The following ADI1 variants were observed in gnomAD, a reference collection of about 807,000 sequenced individuals.
The protein encoded by ADI1 is acireductone dioxygenase.
ADI1 carries 21 observed loss-of-function variants against 18.7 expected under a neutral mutation model. That is an observed-to-expected ratio of 1.13 (90% confidence interval 0.80 to 1.62). The LOEUF (loss-of-function observed/expected upper bound fraction) is 1.62. ADI1 is among the 40% of genes most tolerant of loss of function. The pLI, the probability that ADI1 is intolerant of heterozygous loss-of-function variation, is 0.00. For synonymous variants in ADI1, 90 were observed against 100.1 expected (o/e 0.90, Z 0.60); for missense variants, 245 against 254.9 (o/e 0.96, Z 0.26).
chr2:3,501,026 C>CAG, intron 2 of ADI1, 33 bp from the exon 3 acceptor site: 1 of 1,540,382 alleles, frequency 6.5e-7, no homozygotes, highest in African/African-American at 1.4e-5. Flanking sequence ...GTGAGTCTAC[C>CAG]AGAGACCTGT....
intron 2 of ADI1, among the ~76,000 whole-genome samples, chr2:3,513,414 G>C (rs1667330964): frequency 6.6e-6 from 1 of 152,196 alleles, no homozygotes; most frequent in South Asian, 2.1e-4. Context: ...TTGAAAGTGG[G>C]ACCTGGTGGG....
intron 1 of ADI1, chr2:3,516,231 C>T (rs1289615420): frequency 4.2e-6 from 1 of 237,880 alleles, no homozygotes; most frequent in Admixed American, 6.5e-5. Flanking sequence ...CCTATAATCC[C>T]AGAACTTTGG....
At chr2:3,500,696 G>C (rs1188526192) in intron 3 of ADI1, 118 bp downstream of exon 3, 2 of 1,347,644 alleles carry the variant, frequency 1.5e-6, no homozygotes, top group Non-Finnish European at 1.0e-6. Context: ...AGGTCGAGGA[G>C]TCCCGAGCCC....
rs566764949 is a variant in ADI1 at position 3,519,109 on chromosome 2, C to A, written c.120+259G>T. Among the ~76,000 whole-genome samples the A allele has an allele frequency of 1.9e-3, 293 of 152,028 alleles. No individual in the cohort carries two copies. The Middle Eastern group carries it at 0.027, about 14-fold the overall frequency. On this transcript the variant is annotated intron_variant, in intron 1 of 3. Transcript: ENST00000327435. ...ACAGGCGCTGGGGGCTGACCGCCGA[C>A]CCCTCAACGCCGCTGCTGAGCATGC... is the stretch of plus-strand genomic sequence containing the variant.
At chr2:3,519,153 G>A (rs1477544999) in intron 1 of ADI1, 2 of 560,948 alleles carry the variant, frequency 3.6e-6, no homozygotes, top group Non-Finnish European at 5.4e-6. Flanking sequence ...CCCAGGCGCC[G>A]CGCAGGAGGC....
At chr2:3,499,480 G>GGACA (rs1278334048) in intron 3 of ADI1, among the ~76,000 whole-genome samples, 10 of 152,152 alleles carry the variant, frequency 6.6e-5, no homozygotes, top group African/African-American at 2.2e-4. Flanking sequence ...GGGCAGGAGA[G>GGACA]GACAATTCAG....
intron 2 of ADI1, among the ~76,000 whole-genome samples, chr2:3,508,356 A>G (rs1164211551): frequency 6.7e-6 from 1 of 149,616 alleles, no homozygotes; most frequent in Non-Finnish European, 1.5e-5. Context: ...AAAAAAAAAA[A>G]AAAACAATAA....
chr2:3,509,720 ACCCCCG>A (rs1667253729), intron 2 of ADI1, among the ~76,000 whole-genome samples: 1 of 151,842 alleles, frequency 6.6e-6, no homozygotes. Flanking sequence ...ACAGCACTAA[ACCCCCG>A]TACTAAGGAA....
At chr2:3,502,187 G>T (rs1020460427) in intron 2 of ADI1, among the ~76,000 whole-genome samples, 12 of 151,912 alleles carry the variant, frequency 7.9e-5, no homozygotes, top group Middle Eastern at 3.4e-3. Flanking sequence ...TACCATACCT[G>T]GCTAATTTTT....
At chr2:3,519,203 C>T in intron 1 of ADI1, 165 bp downstream of exon 1, 7 of 1,087,000 alleles carry the variant, frequency 6.4e-6, no homozygotes, top group Non-Finnish European at 8.4e-6. Flanking sequence ...GCGCAGCCCA[C>T]CCCAGGCACC....
intron 2 of ADI1, among the ~76,000 whole-genome samples, chr2:3,506,273 A>G (rs1049652281): frequency 2.6e-5 from 4 of 152,266 alleles, no homozygotes; most frequent in Non-Finnish European, 5.9e-5. Flanking sequence ...TTGCTCGCAG[A>G]TGGTATCACT....
rs752745822 is a variant in ADI1, at chr2:3,498,941, T to C, written c.*22A>G. ...ACATTGGGGACCTTTACGAGGCACGTGTTAGTTCCCAGGCAGCACTGCTAG... is the reference window on the plus strand; with the variant it reads ...ACATTGGGGACCTTTACGAGGCACGCGTTAGTTCCCAGGCAGCACTGCTAG... On this transcript the variant is annotated 3_prime_UTR_variant, in exon 4 of 4. Coordinates refer to ENST00000327435, the MANE Select transcript of ADI1 (RefSeq NM_018269.4). 1.9e-6 allele frequency: 3 copies of C among 1,596,150 alleles called. No homozygotes were observed. Among genetic ancestry groups the C allele is most frequent in the South Asian group, 2.2e-5 (2 of 90,488 alleles).
At chr2:3,518,465 A>C (rs1667455285) in intron 1 of ADI1, among the ~76,000 whole-genome samples, 2 of 152,172 alleles carry the variant, frequency 1.3e-5, no homozygotes, top group Admixed American at 1.3e-4. Context: ...CAAATAAACA[A>C]GGTGAGCGGA....
chr2:3,519,226 G>A (rs906504889), intron 1 of ADI1, 142 bp downstream of exon 1: 2 of 1,223,008 alleles, frequency 1.6e-6, no homozygotes, highest in Non-Finnish European at 2.1e-6. Flanking sequence ...GAGCCGCCAC[G>A]AACCCCCAAA....
At chr2:3,500,568 G>A (rs1328349595) in intron 3 of ADI1, 2 of 589,570 alleles carry the variant, frequency 3.4e-6, no homozygotes, top group Non-Finnish European at 6.0e-6. Context: ...TGCCCCGCCT[G>A]GGTATGAAAT....
chr2:3,517,037 T>C (rs955253604), intron 1 of ADI1: 2 of 711,496 alleles, frequency 2.8e-6, no homozygotes, highest in Non-Finnish European at 3.4e-6. Flanking sequence ...GAGGTCACTG[T>C]TTTGGACTGA....
intron 3 of ADI1, chr2:3,500,599 C>T (rs1362417084): frequency 9.3e-6 from 6 of 648,224 alleles, no homozygotes; most frequent in East Asian, 5.5e-5. Flanking sequence ...CCACCAGGAT[C>T]GCAGGCAGGG....
Position 3,519,505 on chromosome 2 carries a change from C to T in ADI1, c.-18G>A. The T allele has an allele frequency of 7.9e-6, 10 of 1,271,362 alleles. No homozygotes were observed. The highest frequency in any genetic ancestry group is 9.9e-6 in the Non-Finnish European group (10 of 1,006,508). The allele number at this position is 1,271,362 out of a possible 1,614,324, so 78.8% of individuals were successfully genotyped here. A position where few individuals can be genotyped will look rare whatever the true frequency, so the allele number is the denominator to read the frequency against. On this transcript the variant is annotated 5_prime_UTR_variant, in exon 1 of 4. Transcript: ENST00000327435. Reference sequence around the variant, plus strand: ...TGCACCATGACGCGCAGTGCGGGTGCCGTGTTCGAACCCAGGGGCCGCGCT... The same window carrying T: ...TGCACCATGACGCGCAGTGCGGGTGTCGTGTTCGAACCCAGGGGCCGCGCT...
At chr2:3,516,158 A>G (rs1466549095) in intron 1 of ADI1, 1 of 609,198 alleles carries the variant, frequency 1.6e-6, no homozygotes, top group Non-Finnish European at 2.1e-6. Flanking sequence ...TCATGAGGGC[A>G]AGCCCTCATT....
Sources: gnomAD v4.1 joint callset for allele counts (sites outside exome capture counted in the v4.1 genomes callset) on GRCh38, gnomAD v4.1.1 for gene constraint, MANE v1.5 for transcripts, NCBI Gene and HGNC (gene_info 2026-07-23, HGNC 2026-07-21) for gene names.